ITPR1: variants seen among roughly 807,000 people sequenced by gnomAD.
The protein encoded by ITPR1 is inositol 1,4,5-trisphosphate-gated calcium channel ITPR1.
Under a neutral mutation model 318.4 loss-of-function variants are expected in ITPR1, and 96 were observed. The observed-to-expected ratio is 0.30, with a 90% CI of 0.26 to 0.36. The LOEUF is 0.36. Ranked by LOEUF, ITPR1 falls within the 10% of genes least tolerant of loss-of-function variation. The pLI, the probability that ITPR1 is intolerant of heterozygous loss-of-function variation, is 1.00. For synonymous variants in ITPR1, 1,312 were observed against 1,289.9 expected (o/e 1.02, Z -0.37); for missense variants, 2,440 against 3,460.2 (o/e 0.71, Z 7.40).
rs57756103 is a variant in ITPR1, at chr3:4,566,604, G to GCACACACACACACACACA, written c.163+45532_163+45549dup. Among the ~76,000 whole-genome samples the GCACACACACACACACACA allele has an allele frequency of 2.9e-3, 410 of 140,970 alleles. 5 individuals carry two copies. Among genetic ancestry groups the GCACACACACACACACACA allele is most frequent in the African/African-American group, 9.0e-3 (335 of 37,094 alleles). 92.5% of individuals were successfully genotyped at this position (140,970 alleles called of 152,430 possible). On this transcript the variant is annotated intron_variant, in intron 4 of 61. Transcript: ENST00000649015. The stretch of plus-strand genomic sequence containing the variant: ...CCAGGAAGCCTGAATGGGGACACAT[G>GCACACACACACACACACA]CACACACACACACACACACACACAC...
At chr3:4,845,288 G>A (rs572192656) in intron 61 of ITPR1, among the ~76,000 whole-genome samples, 2 of 152,132 alleles carry the variant, frequency 1.3e-5, no homozygotes, top group African/African-American at 4.8e-5. Context: ...TATCTCAGTT[G>A]ACTTGAATGC....
rs1474294796 is a variant in ITPR1, at chr3:4,680,477, G to C, written c.2968-76G>C. The C allele has an allele frequency of 4.5e-6, 6 of 1,330,128 alleles. No individual in the cohort carries two copies. The South Asian group carries it at 7.3e-5, about 16-fold the overall frequency. 82.4% of individuals were successfully genotyped at this position (1,330,128 alleles called of 1,614,324 possible). On this transcript the variant is annotated intron_variant, in intron 24 of 61. Transcript: ENST00000649015. ...ATGCAGCTGATACCAGGCCCCGCCAGTGTGTGGTGGCTTGGCAGAGTCAAG... is the reference window on the plus strand; with the variant it reads ...ATGCAGCTGATACCAGGCCCCGCCACTGTGTGGTGGCTTGGCAGAGTCAAG...
chr3:4,798,037 T>C (rs1370841047), intron 53 of ITPR1, among the ~76,000 whole-genome samples: 1 of 152,202 alleles, frequency 6.6e-6, no homozygotes, highest in Non-Finnish European at 1.5e-5. Flanking sequence ...ACTGCCGTTA[T>C]AGTGAGGAGA....
chr3:4,624,984 G>A (rs1163627853), intron 4 of ITPR1, among the ~76,000 whole-genome samples: 3 of 152,118 alleles, frequency 2.0e-5, no homozygotes, highest in Non-Finnish European at 4.4e-5. Context: ...CTAAGAGGTG[G>A]GGAGAGCAGA....
intron 4 of ITPR1, among the ~76,000 whole-genome samples, chr3:4,531,339 C>A (rs1475984855): frequency 2.6e-5 from 4 of 152,190 alleles, no homozygotes; most frequent in Non-Finnish European, 5.9e-5. Flanking sequence ...TTTAGATTAG[C>A]TCCGGCAACA....
At chr3:4,832,747 G>C (rs895554699) in intron 60 of ITPR1, among the ~76,000 whole-genome samples, 2 of 152,232 alleles carry the variant, frequency 1.3e-5, no homozygotes, top group Non-Finnish European at 2.9e-5. Flanking sequence ...CTAAAAAGAT[G>C]CATTATTTCT....
In ITPR1 at chr3:4,779,612, G is replaced by A; in HGVS notation, c.6354G>A (p.Glu2118=). The A allele has an allele frequency of 6.2e-7, 1 of 1,612,414 alleles. No homozygotes were observed. Residue 2118 remains glutamate, a synonymous_variant, in exon 49 of 62, where the codon GAG becomes GAA. Transcript: ENST00000649015. The surrounding 1 kb of genome is among the most constrained non-coding windows in gnomAD (Gnocchi z 4.0). ...MESRHDSENA[E]RILYNMRPKE... ...GCAGGCACGACAGTGAAAACGCAGA[G>A]AGGATACTTTATAACATGAGGCCCA...
chr3:4,532,442 G>A (rs113130321), intron 4 of ITPR1, among the ~76,000 whole-genome samples: 34,646 of 152,068 alleles, frequency 0.23, 4,788 homozygotes, highest in African/African-American at 0.38. Context: ...AAGGCCCACC[G>A]CAGCCTTGAC....
At chr3:4,651,082 G>A (rs1421370786) in intron 10 of ITPR1, among the ~76,000 whole-genome samples, 2 of 152,140 alleles carry the variant, frequency 1.3e-5, no homozygotes, top group East Asian at 1.9e-4. Context: ...CCTTTGATGT[G>A]TCTACTAACG....
intron 12 of ITPR1, 122 bp from the exon 13 acceptor site, chr3:4,658,002 T>C (rs2093751306): frequency 3.2e-6 from 3 of 945,582 alleles, no homozygotes; most frequent in Non-Finnish European, 4.8e-6. Flanking sequence ...CTGTGGTCCT[T>C]TTCCTGCCAA....
At chr3:4,739,656 C>T (rs1432660048) in intron 44 of ITPR1, among the ~76,000 whole-genome samples, 2 of 152,212 alleles carry the variant, frequency 1.3e-5, no homozygotes, top group East Asian at 3.8e-4. Flanking sequence ...CCACCTCCAC[C>T]TGTAGTTATC....
intron 24 of ITPR1, among the ~76,000 whole-genome samples, chr3:4,677,661 C>T (rs1468510070): frequency 6.6e-6 from 1 of 152,106 alleles, no homozygotes; most frequent in Non-Finnish European, 1.5e-5. Flanking sequence ...TGTAAGGATG[C>T]ACAGAGAAGT....
chr3:4,840,223 A>T (rs1365513673), intron 61 of ITPR1, among the ~76,000 whole-genome samples: 1 of 152,088 alleles, frequency 6.6e-6, no homozygotes, highest in Admixed American at 6.5e-5. Flanking sequence ...AAAACCCTTT[A>T]TGTGCAAAAG....
At chr3:4,611,171 G>T (rs907209934) in intron 4 of ITPR1, among the ~76,000 whole-genome samples, 5 of 142,476 alleles carry the variant, frequency 3.5e-5, no homozygotes, top group African/African-American at 8.2e-5. Flanking sequence ...GAGGAGAGTG[G>T]ATTGCTCAAG....
rs2046921532 is a variant in ITPR1 at position 4,782,813 on chromosome 3, C to T, written c.6510+72C>T. 4 of 1,353,782 alleles carry T rather than the reference C, an allele frequency of 3.0e-6. No individual in the cohort carries two copies. The South Asian group carries it at 5.9e-5, about 20-fold the overall frequency. 83.9% of individuals were successfully genotyped at this position (1,353,782 alleles called of 1,614,324 possible). On this transcript the variant is annotated intron_variant, in intron 50 of 61. Coordinates refer to ENST00000649015, the MANE Select transcript of ITPR1 (RefSeq NM_001378452.1). ...CCAAAATTCCGAGCTGGAGGGTGCC[C>T]CCAGTCTTGCTTTTCCTTTATGACT...
intron 40 of ITPR1, among the ~76,000 whole-genome samples, chr3:4,721,526 G>C (rs2042162251): frequency 6.9e-6 from 1 of 145,388 alleles, no homozygotes; most frequent in East Asian, 2.1e-4. Context: ...TGCAGGATCG[G>C]GCCCAGCAAA....
At chr3:4,583,167 A>G (rs554392101) in intron 4 of ITPR1, among the ~76,000 whole-genome samples, 1 of 152,322 alleles carries the variant, frequency 6.6e-6, no homozygotes, top group East Asian at 1.9e-4. Flanking sequence ...TTTGGAAGCA[A>G]AAAAATACAG....
chr3:4,816,862 G>T (rs553932158), intron 59 of ITPR1, among the ~76,000 whole-genome samples: 1 of 152,234 alleles, frequency 6.6e-6, no homozygotes, highest in East Asian at 1.9e-4. Flanking sequence ...TATGATGATG[G>T]TTGCCCAATG....
intron 2 of ITPR1, among the ~76,000 whole-genome samples, chr3:4,506,977 A>G (rs188630547): frequency 2.3e-3 from 356 of 152,360 alleles, no homozygotes; most frequent in Non-Finnish European, 4.0e-3. Flanking sequence ...GTTAGAAATT[A>G]ACACTGAGAA....
Sources: allele counts gnomAD v4.1 joint callset (sites outside exome capture counted in the v4.1 genomes callset), GRCh38; gene constraint gnomAD v4.1.1; non-coding constraint Gnocchi (gnomAD v3.1); transcripts MANE v1.5; gene names NCBI Gene and HGNC (gene_info 2026-07-23, HGNC 2026-07-21).